Variants in SCML4 observed in about 807,000 individuals in gnomAD.
SCML4 encodes sex comb on midleg-like protein 4.
A neutral mutation model predicts 41.1 loss-of-function variants in SCML4; 34 were observed. The ratio of observed to expected loss-of-function variants is 0.83; its 90% confidence interval spans 0.63 to 1.10. The LOEUF is 1.10. SCML4 is among the 50% of genes least tolerant of loss of function. The pLI, the probability that SCML4 is intolerant of heterozygous loss-of-function variation, is 0.00. For synonymous variants in SCML4, 214 were observed against 220.9 expected (o/e 0.97, Z 0.28); for missense variants, 522 against 534.1 (o/e 0.98, Z 0.22).
chr6:107,749,933 C>A (rs991642674), intron 2 of SCML4, 120 bp from the exon 3 acceptor site: 5 of 1,032,352 alleles, frequency 4.8e-6, no homozygotes, highest in Non-Finnish European at 7.2e-6. Flanking sequence ...ACCTTTCCAT[C>A]CTGCAGTTTC....
intron 1 of SCML4, among the ~76,000 whole-genome samples, chr6:107,814,363 T>A (rs1444086310): frequency 1.3e-5 from 2 of 152,174 alleles, no homozygotes; most frequent in Non-Finnish European, 2.9e-5. Flanking sequence ...TTATACCACT[T>A]AACAGGTGAT....
chr6:107,755,712 AT>A, intron 2 of SCML4: 4 of 947,716 alleles, frequency 4.2e-6, no homozygotes, highest in Non-Finnish European at 4.3e-6. Context: ...AATGGACAAA[AT>A]AAAACACAGT....
chr6:107,744,949 C>G lies in SCML4; in HGVS notation c.682G>C (p.Val228Leu). The change falls in exon 5 of 8, where the codon GTC becomes CTC. Residue 228 changes from valine to leucine, a missense_variant and splice_region_variant. Coordinates refer to ENST00000369020, the MANE Select transcript of SCML4 (RefSeq NM_198081.5). The part of the protein sequence containing the change: ...QEKEEGRMES[V>L]KTVTTEEYLV... ...GTGGGGGAAGCAGGACAAGGCCTACCTGATTCCATCCTCCCTTCCTCTTTC... is the reference window on the plus strand; with the variant it reads ...GTGGGGGAAGCAGGACAAGGCCTACGTGATTCCATCCTCCCTTCCTCTTTC... The G allele has an allele frequency of 1.2e-6, 2 of 1,605,292 alleles. No individual in the cohort carries two copies. The highest frequency in any genetic ancestry group is 1.7e-6 in the Non-Finnish European group (2 of 1,175,520).
At chr6:107,822,523 C>A (rs1481902774) in intron 1 of SCML4, among the ~76,000 whole-genome samples, 1 of 67,340 alleles carries the variant, frequency 1.5e-5, no homozygotes, top group East Asian at 2.9e-4. Flanking sequence ...TTTTTTTTTG[C>A]AGCAAAATAA....
chr6:107,831,886 A>G, the SCML4 span, among the ~76,000 whole-genome samples: 2 of 96,762 alleles, frequency 2.1e-5, no homozygotes, highest in Admixed American at 1.3e-4. Context: ...ACCCGTCTCT[A>G]CTAAAAAATA....
In SCML4 at chr6:107,773,389, C is replaced by T. The variant is rs1393922606; in HGVS notation, c.-59-1003G>A. On this transcript the variant is annotated intron_variant, in intron 1 of 7. Coordinates refer to ENST00000369020, the MANE Select transcript of SCML4 (RefSeq NM_198081.5). ...GCTGGATCACTTGAGCCTAGGAGTT[C>T]GAGACTAGCCTGGACAACATAGCGA... Among the ~76,000 whole-genome samples, 4 of 151,972 alleles carry T rather than the reference C, an allele frequency of 2.6e-5. No homozygotes were observed. In the South Asian group the frequency reaches 8.3e-4, roughly 32 times the overall value.
rs993837884 is a variant in SCML4, at chr6:107,724,241, T to A, written c.683-3248A>T. ...AAAGACTGGATGCTGTCCCCCAAGA[T>A]CAGGAACAAAAAGAGACGGTCCATT... is the stretch of plus-strand genomic sequence containing the variant. On this transcript the variant is annotated intron_variant, in intron 5 of 7. Coordinates refer to ENST00000369020, the MANE Select transcript of SCML4 (RefSeq NM_198081.5). 3.3e-5 allele frequency among the ~76,000 whole-genome samples: 5 copies of A among 152,028 alleles called. No homozygotes were observed. The East Asian group carries it at 7.7e-4, about 23-fold the overall frequency.
chr6:107,751,617 T>TCTTC (rs1480621779), intron 2 of SCML4, among the ~76,000 whole-genome samples: 5 of 147,862 alleles, frequency 3.4e-5, no homozygotes, highest in African/African-American at 1.3e-4. Flanking sequence ...TTTCTTTCTT[T>TCTTC]CTTTCTTTCT....
chr6:107,797,705 C>A (rs1401726958), intron 1 of SCML4, among the ~76,000 whole-genome samples: 1 of 151,762 alleles, frequency 6.6e-6, no homozygotes, highest in African/African-American at 2.4e-5. Context: ...CATGCTTGTT[C>A]CTGATTTTAG....
chr6:107,796,319 C>T (rs1460785574), intron 1 of SCML4, among the ~76,000 whole-genome samples: 2 of 152,102 alleles, frequency 1.3e-5, no homozygotes, highest in African/African-American at 2.4e-5. Flanking sequence ...ATATCCTGAC[C>T]GAAATTGGAG....
chr6:107,736,397 C>A (rs1777069712), intron 5 of SCML4, among the ~76,000 whole-genome samples: 2 of 152,132 alleles, frequency 1.3e-5, no homozygotes, highest in Non-Finnish European at 2.9e-5. Context: ...GGATAACGGG[C>A]CTTACAGACA....
At chr6:107,746,051 A>C (rs1778058316) in intron 4 of SCML4, 1 of 152,356 alleles carries the variant, frequency 6.6e-6, no homozygotes, top group Admixed American at 6.5e-5. Flanking sequence ...GACAAGGGCT[A>C]TATATTAGAC....
the SCML4 span, among the ~76,000 whole-genome samples, chr6:107,831,430 A>AAAAAAAAAT: frequency 6.0e-5 from 9 of 150,390 alleles, no homozygotes; most frequent in South Asian, 1.5e-3. Flanking sequence ...AAAAAAAAAA[A>AAAAAAAAAT]AAACCCAGCT....
intron 5 of SCML4, among the ~76,000 whole-genome samples, chr6:107,731,214 G>A (rs145935915): frequency 7.0e-4 from 107 of 152,302 alleles, no homozygotes; most frequent in Non-Finnish European, 1.0e-3. Context: ...AACTATAGAT[G>A]CTCCTGACCA....
intron 6 of SCML4, chr6:107,720,170 C>T: frequency 1.1e-6 from 1 of 927,258 alleles, no homozygotes; most frequent in African/African-American, 1.8e-5. Context: ...AGCTAACCTA[C>T]AGCTTCCAGA....
intron 1 of SCML4, among the ~76,000 whole-genome samples, chr6:107,806,764 A>C (rs1040728180): frequency 6.6e-6 from 1 of 152,184 alleles, no homozygotes; most frequent in Non-Finnish European, 1.5e-5. Flanking sequence ...GTGAGGATGG[A>C]GGTTTAGTGT....
At position 107,705,257 on chromosome 6, in the gene SCML4, C is replaced by A; in HGVS notation, c.1188G>T (p.Leu396=). The change falls in exon 8 of 8, where the codon CTG becomes CTT. Residue 396 remains leucine (L), a synonymous_variant. Transcript: ENST00000369020. The part of the protein sequence containing the change: ...DMVMKYLGLK[L]GPALKLCYHI... ...GGTAGCAGAGTTTCAGTGCAGGTCC[C>A]AGCTTCAGGCCCAGGTACTTCATGA... 1 of 1,551,500 alleles carries A rather than the reference C, an allele frequency of 6.4e-7. No homozygotes were observed. The highest frequency in any genetic ancestry group is 1.4e-5 in the African/African-American group (1 of 73,158).
intron 2 of SCML4, among the ~76,000 whole-genome samples, chr6:107,758,566 T>C (rs77830014): frequency 0.024 from 3,580 of 152,338 alleles, 87 homozygotes; most frequent in Non-Finnish European, 0.038. Flanking sequence ...GAGTGCATAC[T>C]GCATTAGGGT....
At chr6:107,763,442 A>G (rs996613921) in intron 2 of SCML4, among the ~76,000 whole-genome samples, 6 of 149,636 alleles carry the variant, frequency 4.0e-5, no homozygotes, top group Non-Finnish European at 7.4e-5. Flanking sequence ...GTTGGAGTGC[A>G]GTGGCACCAT....
Sources: gnomAD v4.1 joint callset for allele counts (sites outside exome capture counted in the v4.1 genomes callset) on GRCh38, gnomAD v4.1.1 for gene constraint, MANE v1.5 for transcripts, NCBI Gene and HGNC (gene_info 2026-07-23, HGNC 2026-07-21) for gene names.